The following DOCK2 variants were observed in gnomAD, a reference collection of about 807,000 sequenced individuals.
The protein encoded by DOCK2 is dedicator of cytokinesis protein 2.
DOCK2 carries 87 observed loss-of-function variants against 248.9 expected under a neutral mutation model. That is an observed-to-expected ratio of 0.35 (90% CI 0.29 to 0.42). The LOEUF (loss-of-function observed/expected upper bound fraction) is 0.42, where lower values mean the gene tolerates loss of function less well. Among genes scored for constraint, DOCK2 ranks in the 10% least tolerant of loss-of-function variants. DOCK2 has a pLI of 1.00. For missense variants in DOCK2, 1,747 were observed against 2,300.2 expected, an observed-to-expected ratio of 0.76 and a Z score of 4.92; for synonymous variants, 805 against 821.6, an observed-to-expected ratio of 0.98 and a Z score of 0.35.
intron 1 of DOCK2, among the ~76,000 whole-genome samples, chr5:169,645,672 T>A (rs1757421141): frequency 1.3e-5 from 2 of 152,206 alleles, no homozygotes; most frequent in African/African-American, 4.8e-5. Flanking sequence ...GCTTTTGGTG[T>A]TTTTGTCATG....
At chr5:169,754,201 G>T (rs1165562669) in intron 23 of DOCK2, among the ~76,000 whole-genome samples, 3 of 152,146 alleles carry the variant, frequency 2.0e-5, no homozygotes, top group Non-Finnish European at 4.4e-5. Context: ...TGAGTTTGGA[G>T]GCATCCTAGT....
At position 169,983,182 on chromosome 5, in the gene DOCK2, G is replaced by A. The variant is rs1470454543; in HGVS notation, c.2898+16G>A. On this transcript the variant is annotated intron_variant, in intron 28 of 51. Coordinates refer to ENST00000520908, the MANE Select transcript of DOCK2 (RefSeq NM_004946.3). ...TGAACTTGTGGTGAGTCTGCAGGAT[G>A]CTGGGGGTGAGGAAGAACTCTTCCA... 15 of 1,613,378 alleles carry A rather than the reference G, an allele frequency of 9.3e-6. No homozygotes were observed. The highest frequency in any genetic ancestry group is 3.3e-4 in the Middle Eastern group (2 of 6,080).
chr5:169,773,502 A>G (rs1001318938), intron 25 of DOCK2, among the ~76,000 whole-genome samples: 1 of 151,994 alleles, frequency 6.6e-6, no homozygotes, highest in African/African-American at 2.4e-5. Flanking sequence ...GAACAACAAA[A>G]TCACTCTGTT....
intron 40 of DOCK2, among the ~76,000 whole-genome samples, chr5:170,048,742 G>C (rs1248793360): frequency 6.6e-6 from 1 of 152,216 alleles, no homozygotes; most frequent in East Asian, 1.9e-4. Flanking sequence ...GGAACCTCAA[G>C]TGTCCCTGGA....
In DOCK2 at chr5:169,820,807, G is replaced by C. The variant is rs566121080; in HGVS notation, c.2703+17601G>C. Among the ~76,000 whole-genome samples, 267 of 152,234 alleles carry C rather than the reference G, an allele frequency of 1.8e-3. 9 individuals are homozygous for C. The South Asian group carries it at 0.052, about 30-fold the overall frequency. ...GAGCTGAGAGAAGAAGGCTTCAGAC[G>C]ATCAAACTACTCTGAGCTAAAGGAG... On this transcript the variant is annotated intron_variant, in intron 26 of 51. Coordinates refer to ENST00000520908, the MANE Select transcript of DOCK2 (RefSeq NM_004946.3).
intron 27 of DOCK2, among the ~76,000 whole-genome samples, chr5:169,843,494 C>T (rs1374088846): frequency 6.6e-6 from 1 of 152,092 alleles, no homozygotes; most frequent in Non-Finnish European, 1.5e-5. Flanking sequence ...TGCACTCCAG[C>T]CTGGGTGATA....
intron 26 of DOCK2, among the ~76,000 whole-genome samples, chr5:169,810,989 TCACA>T (rs55987604): frequency 0.075 from 7,320 of 97,170 alleles, 369 homozygotes; most frequent in African/African-American, 0.16. Flanking sequence ...TCTCTCTCTC[TCACA>T]CACACACACA....
At chr5:169,902,138 C>T (rs188942639) in intron 27 of DOCK2, among the ~76,000 whole-genome samples, 7 of 152,230 alleles carry the variant, frequency 4.6e-5, no homozygotes, top group African/African-American at 1.7e-4. Flanking sequence ...ATCAGAAATA[C>T]CACAAAAACA....
intron 22 of DOCK2, among the ~76,000 whole-genome samples, chr5:169,727,331 A>C (rs2113606906): frequency 6.6e-6 from 1 of 152,318 alleles, no homozygotes. Flanking sequence ...AGAAAGGTAC[A>C]GAAAGTGACT....
intron 25 of DOCK2, among the ~76,000 whole-genome samples, chr5:169,802,670 C>A (rs934323465): frequency 3.9e-5 from 6 of 152,040 alleles, no homozygotes; most frequent in African/African-American, 1.4e-4. Flanking sequence ...ATGTTTTATA[C>A]TGATAAACAC....
At chr5:169,958,292 A>G (rs1028492727) in intron 27 of DOCK2, among the ~76,000 whole-genome samples, 15 of 152,164 alleles carry the variant, frequency 9.9e-5, no homozygotes, top group African/African-American at 3.4e-4. Context: ...AAGCTTATGA[A>G]TCTATTAGAT....
chr5:169,841,254 G>C, intron 27 of DOCK2: 1 of 844,306 alleles, frequency 1.2e-6, no homozygotes, highest in Non-Finnish European at 1.5e-6. Context: ...TTCCTAAGGG[G>C]CTTCATTGCG....
At chr5:169,776,244 C>A (rs1430027261) in intron 25 of DOCK2, among the ~76,000 whole-genome samples, 1 of 151,012 alleles carries the variant, frequency 6.6e-6, no homozygotes, top group African/African-American at 2.4e-5. Flanking sequence ...CTCACTGCAA[C>A]CTTGACCTCC....
Position 169,685,181 on chromosome 5 carries a change from G to A in DOCK2, c.761+831G>A, listed in dbSNP as rs150316759. On this transcript the variant is annotated intron_variant, in intron 8 of 51. Coordinates refer to ENST00000520908, the MANE Select transcript of DOCK2 (RefSeq NM_004946.3). ...TTGCTTCAGGCTTTAATGAGAAAGA[G>A]TTTGTGATGCACAAGGCCTGGCACA... Among the ~76,000 whole-genome samples, 707 of 152,352 alleles carry A rather than the reference G, an allele frequency of 4.6e-3. 7 individuals are homozygous for A. The highest frequency in any genetic ancestry group is 0.016 in the African/African-American group (686 of 41,584).
At chr5:169,790,018 A>G (rs905103811) in intron 25 of DOCK2, among the ~76,000 whole-genome samples, 1 of 152,202 alleles carries the variant, frequency 6.6e-6, no homozygotes, top group African/African-American at 2.4e-5. Context: ...AAATGAGAGG[A>G]GCTTCAGCCT....
chr5:169,744,049 AC>A (rs1171750542), intron 22 of DOCK2, among the ~76,000 whole-genome samples: 2 of 151,930 alleles, frequency 1.3e-5, no homozygotes, highest in African/African-American at 2.4e-5. Flanking sequence ...TGGTGTCAAG[AC>A]CCTTAACTTG....
intron 27 of DOCK2, among the ~76,000 whole-genome samples, chr5:169,938,908 T>TAC (rs1776109060): frequency 8.3e-6 from 1 of 120,450 alleles, no homozygotes; most frequent in Middle Eastern, 3.8e-3. Flanking sequence ...TTTTTTTCTT[T>TAC]TCTTTTTTTT....
At chr5:170,056,369 C>T (rs1212095654) in intron 42 of DOCK2, 1 of 239,800 alleles carries the variant, frequency 4.2e-6, no homozygotes, top group Admixed American at 5.6e-5. Flanking sequence ...ACCTCAGCTC[C>T]TTTGTTGCAG....
chr5:169,778,971 C>G (rs889333143), intron 25 of DOCK2, among the ~76,000 whole-genome samples: 1 of 152,142 alleles, frequency 6.6e-6, no homozygotes, highest in African/African-American at 2.4e-5. Context: ...TTTCAGTTAG[C>G]ATCACGTGAA....
Sources: allele counts gnomAD v4.1 joint callset (sites outside exome capture counted in the v4.1 genomes callset), GRCh38; gene constraint gnomAD v4.1.1; transcripts MANE v1.5; gene names NCBI Gene and HGNC (gene_info 2026-07-23, HGNC 2026-07-21).